The following SFTPD variants were observed in gnomAD, a reference collection of about 807,000 sequenced individuals.
SFTPD encodes the protein surfactant protein D, also known as pulmonary surfactant-associated protein D.
A neutral mutation model predicts 34.6 loss-of-function variants in SFTPD; 18 were observed. That is an observed-to-expected ratio of 0.52 (90% CI 0.36 to 0.77). The LOEUF (loss-of-function observed/expected upper bound fraction) is 0.77, where lower values mean the gene tolerates loss of function less well. SFTPD is among the 30% of genes least tolerant of loss of function. The pLI is 0.00. For missense variants in SFTPD, 433 were observed against 468.9 expected (o/e 0.92, Z 0.71); for synonymous variants, 155 against 180.9 (o/e 0.86, Z 1.15).
chr10:79,944,751 TC>T (rs1288252738), intron 2 of SFTPD, among the ~76,000 whole-genome samples: 1 of 151,908 alleles, frequency 6.6e-6, no homozygotes, highest in East Asian at 1.9e-4. Flanking sequence ...AAGGAATTGT[TC>T]CCCACAAAGG....
intron 2 of SFTPD, among the ~76,000 whole-genome samples, chr10:79,943,785 G>A (rs965232770): frequency 6.6e-6 from 1 of 152,214 alleles, no homozygotes; most frequent in Non-Finnish European, 1.5e-5. Flanking sequence ...TGAAATGGAA[G>A]CACAGAGGGT....
chr10:79,959,342 T>C (rs1038313862), intron 1 of SFTPD, among the ~76,000 whole-genome samples: 3 of 151,886 alleles, frequency 2.0e-5, no homozygotes, highest in African/African-American at 7.2e-5. Flanking sequence ...TTCAAAAAAT[T>C]AATGAATCCA....
chr10:79,973,576 C>T (rs538171214), intron 1 of SFTPD, among the ~76,000 whole-genome samples: 5 of 148,300 alleles, frequency 3.4e-5, no homozygotes, highest in Admixed American at 2.7e-4. Context: ...CGGGATCCCG[C>T]CACTGCACTC....
At chr10:79,956,267 C>G (rs1376056681) in intron 1 of SFTPD, among the ~76,000 whole-genome samples, 2 of 152,198 alleles carry the variant, frequency 1.3e-5, no homozygotes, top group African/African-American at 2.4e-5. Context: ...ATCTGAGGTA[C>G]CGGGTTCATC....
intron 1 of SFTPD, chr10:79,968,459 T>G (rs1317607239): frequency 6.6e-6 from 1 of 152,236 alleles, no homozygotes; most frequent in South Asian, 2.1e-4. Context: ...GATAATGGCC[T>G]CCAGTTCTAT....
In SFTPD at chr10:79,942,486, C is replaced by G; in HGVS notation, c.335G>C (p.Gly112Ala). Reference protein sequence around the residue: ...TGPSGPPGPPGVPGPAGREGP... With the variant: ...TGPSGPPGPPAVPGPAGREGP... ...TTCTCTTCCAGCTGGACCAGGCACA[C>G]CGGGAGGTCCTGGAGGTCCTGAGCA... Residue 112 changes from glycine (G) to alanine (A), a missense_variant, in exon 4 of 8, where the codon GGT becomes GCT. Transcript: ENST00000372292. 1 of 1,613,026 alleles carries G rather than the reference C, an allele frequency of 6.2e-7. No individual in the cohort carries two copies. Among genetic ancestry groups the G allele is most frequent in the Non-Finnish European group, 8.5e-7 (1 of 1,179,092 alleles).
At chr10:79,957,775 A>G (rs950342331) in intron 1 of SFTPD, among the ~76,000 whole-genome samples, 13 of 152,202 alleles carry the variant, frequency 8.5e-5, no homozygotes, top group African/African-American at 2.9e-4. Flanking sequence ...GCAGGCCAAC[A>G]TTCAAATTCA....
rs1231275257 is a variant in SFTPD at position 79,966,635 on chromosome 10, GT to G, written c.36+15939del. Among the ~76,000 whole-genome samples the G allele has an allele frequency of 1.4e-5, 2 of 147,312 alleles. 1 individual carries two copies. The highest frequency in any genetic ancestry group is 5.2e-5 in the African/African-American group (2 of 38,734). ...GGCTTTTGTTGCCATTGCTTTTGATGTTTTGGACATGAAGTCCTTGCCCATG... is the reference window on the plus strand; with the variant it reads ...GGCTTTTGTTGCCATTGCTTTTGATGTTTGGACATGAAGTCCTTGCCCATG... On this transcript the variant is annotated intron_variant, in intron 1 of 5. Coordinates refer to the SFTPD transcript ENST00000444384.
intron 7 of SFTPD, among the ~76,000 whole-genome samples, chr10:79,939,950 T>A (rs1266443311): frequency 7.8e-6 from 1 of 128,748 alleles, no homozygotes; most frequent in Non-Finnish European, 1.6e-5. Context: ...TCTTCAGGAT[T>A]CCAGGGTTAG....
At chr10:79,940,398 C>G (rs902682081) in intron 7 of SFTPD, among the ~76,000 whole-genome samples, 1 of 152,216 alleles carries the variant, frequency 6.6e-6, no homozygotes, top group Non-Finnish European at 1.5e-5. Context: ...CTTAACTATG[C>G]TACTGCCAGC....
Position 79,940,756 on chromosome 10 carries a change from A to G in SFTPD, c.700T>C (p.Leu234=). 1 of 1,612,420 alleles carries G rather than the reference A, an allele frequency of 6.2e-7. No individual in the cohort carries two copies. Among genetic ancestry groups the G allele is most frequent in the Non-Finnish European group, 8.5e-7 (1 of 1,178,594 alleles). The change falls in exon 7 of 8, where the codon TTA becomes CTA. Residue 234 remains leucine, a synonymous_variant. Transcript: ENST00000372292. ...TGGAGGTGCTGTACTTGTCCCTGTAAGGCCTCAACCTGCTGCCTCAGAGAA... is the reference window on the plus strand; with the variant it reads ...TGGAGGTGCTGTACTTGTCCCTGTAGGGCCTCAACCTGCTGCCTCAGAGAA... ...VASLRQQVEA[L]QGQVQHLQAA...
chr10:79,942,552 G>A, intron 3 of SFTPD, 48 bp from the exon 4 acceptor site: 2 of 1,254,206 alleles, frequency 1.6e-6, no homozygotes, highest in Non-Finnish European at 2.3e-6. Context: ...CCTCTTGGCA[G>A]GAGGAGTGTG....
At chr10:79,940,430 C>G (rs1842599295) in intron 7 of SFTPD, among the ~76,000 whole-genome samples, 1 of 152,184 alleles carries the variant, frequency 6.6e-6, no homozygotes, top group South Asian at 2.1e-4. Context: ...GTGATAGGGG[C>G]CACATCCTCC....
At chr10:79,943,686 C>T (rs1207475438) in intron 2 of SFTPD, among the ~76,000 whole-genome samples, 3 of 152,186 alleles carry the variant, frequency 2.0e-5, no homozygotes, top group African/African-American at 7.2e-5. Flanking sequence ...CGTATCCCAG[C>T]AGCACCACCA....
intron 1 of SFTPD, among the ~76,000 whole-genome samples, chr10:79,958,662 C>A (rs200077686): frequency 2.0e-5 from 3 of 152,136 alleles, no homozygotes; most frequent in African/African-American, 7.2e-5. Flanking sequence ...TAGTGACCTA[C>A]AAAGAGACTT....
chr10:79,982,031 TC>T, intron 1 of SFTPD: 1 of 298,508 alleles, frequency 3.3e-6, no homozygotes, highest in South Asian at 5.5e-5. Context: ...GGCGCCGACT[TC>T]CCCTGGGGCG....
chr10:79,961,644 A>G (rs1418588694), intron 1 of SFTPD, among the ~76,000 whole-genome samples: 1 of 152,208 alleles, frequency 6.6e-6, no homozygotes, highest in Non-Finnish European at 1.5e-5. Context: ...TCAGGAAACA[A>G]CAGGTGCTGG....
intron 1 of SFTPD, among the ~76,000 whole-genome samples, chr10:79,954,368 T>C (rs934333640): frequency 6.6e-6 from 1 of 152,178 alleles, no homozygotes; most frequent in Non-Finnish European, 1.5e-5. Context: ...GTGGGCCTAT[T>C]GCTGAAATCT....
At chr10:79,940,347 G>A (rs1169772161) in intron 7 of SFTPD, among the ~76,000 whole-genome samples, 1 of 152,214 alleles carries the variant, frequency 6.6e-6, no homozygotes, top group Admixed American at 6.5e-5. Context: ...TCAGGGCACA[G>A]GTGGCATTGA....
Sources: gnomAD v4.1 joint callset for allele counts (sites outside exome capture counted in the v4.1 genomes callset) on GRCh38, gnomAD v4.1.1 for gene constraint, MANE v1.5 for transcripts, NCBI Gene and HGNC (gene_info 2026-07-23, HGNC 2026-07-21) for gene names.